The following LEKR1 variants were observed in gnomAD, a reference collection of about 807,000 sequenced individuals.
The protein encoded by LEKR1 is leucine, glutamate and lysine rich 1, also known as protein LEKR1.
In LEKR1, 59 loss-of-function variants were observed where a neutral mutation model predicts 72.4. The observed-to-expected ratio is 0.82, with a 90% CI of 0.66 to 1.01. The LOEUF is 1.01. Ranked by LOEUF, LEKR1 falls within the 50% of genes least tolerant of loss-of-function variation. LEKR1 has a pLI of 0.00. For missense variants in LEKR1, 728 were observed against 759.2 expected (o/e 0.96, Z 0.48); for synonymous variants, 257 against 263.2 (o/e 0.98, Z 0.23).
rs147676730 is a variant in LEKR1, at chr3:156,884,294, G to A, written c.263+31312G>A. ...TTCAACATTAGTATTGAGATGTGAA[G>A]CACTGTTCTATTCATCATGTTAGTT... On this transcript the variant is annotated intron_variant, in intron 3 of 12. Coordinates refer to ENST00000356539, the MANE Select transcript of LEKR1 (RefSeq NM_001004316.3). Among the ~76,000 whole-genome samples the A allele has an allele frequency of 8.3e-4, 126 of 151,894 alleles. 1 individual carries two copies. Among genetic ancestry groups the A allele is most frequent in the African/African-American group, 2.6e-3 (110 of 41,514 alleles).
intron 9 of LEKR1, among the ~76,000 whole-genome samples, chr3:157,006,675 A>G (rs1241409407): frequency 2.0e-5 from 3 of 152,246 alleles, no homozygotes; most frequent in Admixed American, 1.3e-4. Context: ...ACTCAGCAAT[A>G]AAATGAATGA....
In LEKR1 at chr3:156,993,249, G is replaced by A. The variant is rs1307412735; in HGVS notation, c.1081G>A (p.Glu361Lys). ...CAAAACTCTTCTGAATCAGACAAGGGAAGAGGTTTTAACACTGAAAAATGA... is the reference window on the plus strand; with the variant it reads ...CAAAACTCTTCTGAATCAGACAAGGAAAGAGGTTTTAACACTGAAAAATGA... ...ITKTLLNQTR[E>K]EVLTLKNERE... Residue 361 changes from glutamate to lysine, a missense_variant, in exon 9 of 13, where the codon GAA becomes AAA. By Grantham distance (56) the Glu-to-Lys change is moderately conservative (BLOSUM62 1). Transcript: ENST00000356539. 2 of 1,606,960 alleles carry A rather than the reference G, an allele frequency of 1.2e-6. No homozygotes were observed. The highest frequency in any genetic ancestry group is 1.3e-5 in the African/African-American group (1 of 74,316).
intron 12 of LEKR1, among the ~76,000 whole-genome samples, chr3:157,038,401 C>A: frequency 6.6e-6 from 1 of 152,070 alleles, no homozygotes; most frequent in East Asian, 1.9e-4. Context: ...CTGTTAGATA[C>A]CCAAGTGGAG....
intron 3 of LEKR1, 193 bp downstream of exon 3, chr3:156,853,175 ACTATCTG>A: frequency 6.2e-6 from 2 of 320,992 alleles, no homozygotes; most frequent in Non-Finnish European, 1.1e-5. Flanking sequence ...GCATATATTT[ACTATCTG>A]AAAAATTAGA....
intron 3 of LEKR1, among the ~76,000 whole-genome samples, chr3:156,871,106 CT>C (rs1717881277): frequency 1.3e-5 from 2 of 152,076 alleles, no homozygotes; most frequent in African/African-American, 4.8e-5. Context: ...TCTCTCCCCC[CT>C]CCCCCCAACC....
At chr3:157,010,908 G>T (rs538772440) in intron 9 of LEKR1, among the ~76,000 whole-genome samples, 1 of 151,976 alleles carries the variant, frequency 6.6e-6, no homozygotes, top group Admixed American at 6.6e-5. Context: ...ACTTAATTTG[G>T]TTTGTTCCTA....
rs556993380 is a variant in LEKR1 at position 156,844,534 on chromosome 3, C to G, written c.49-8234C>G. Among the ~76,000 whole-genome samples, 6 of 152,244 alleles carry G rather than the reference C, an allele frequency of 3.9e-5. No homozygotes were observed. In the South Asian group the frequency reaches 1.2e-3, roughly 32 times the overall value. ...TAACTTCCCCAATCTCTTCCCTACTCCCAGTCCATGGCCCTGGCAACCATT... is the reference window on the plus strand; with the variant it reads ...TAACTTCCCCAATCTCTTCCCTACTGCCAGTCCATGGCCCTGGCAACCATT... On this transcript the variant is annotated intron_variant, in intron 2 of 12. Transcript: ENST00000356539.
intron 10 of LEKR1, among the ~76,000 whole-genome samples, chr3:157,015,249 GGAGA>G (rs1443743824): frequency 6.6e-6 from 1 of 152,176 alleles, no homozygotes; most frequent in Non-Finnish European, 1.5e-5. Context: ...AGTGTTCACA[GGAGA>G]GAGTTGCACA....
chr3:156,857,751 G>T (rs1268978540), intron 3 of LEKR1, among the ~76,000 whole-genome samples: 1 of 152,174 alleles, frequency 6.6e-6, no homozygotes, highest in Non-Finnish European at 1.5e-5. Context: ...ATGTGAAATA[G>T]TTTATGAAGA....
At chr3:156,964,525 A>C (rs559265498) in intron 6 of LEKR1, among the ~76,000 whole-genome samples, 1 of 152,214 alleles carries the variant, frequency 6.6e-6, no homozygotes, top group East Asian at 1.9e-4. Flanking sequence ...CTTTTATATT[A>C]TGTAATTGTG....
chr3:156,934,301 G>A (rs931487947), intron 5 of LEKR1, among the ~76,000 whole-genome samples: 3 of 152,152 alleles, frequency 2.0e-5, no homozygotes, highest in African/African-American at 7.2e-5. Context: ...CATAGTAGGT[G>A]CTCAGTGAAC....
chr3:156,979,266 A>G lies in LEKR1; in HGVS notation c.818A>G (p.Glu273Gly). 3.9e-6 allele frequency: 5 copies of G among 1,278,884 alleles called. No homozygotes were observed. Among genetic ancestry groups the G allele is most frequent in the Non-Finnish European group, 5.1e-6 (5 of 977,930 alleles). The allele number at this position is 1,278,884 out of a possible 1,614,324, so 79.2% of individuals were successfully genotyped here. A position where few individuals can be genotyped will look rare whatever the true frequency, so the allele number is the denominator to read the frequency against. Residue 273 changes from glutamate to glycine, a missense_variant, in exon 7 of 13, where the codon GAA (glutamate) becomes GGA (glycine). By Grantham distance (98) the Glu-to-Gly change is moderately conservative. Transcript: ENST00000356539. ...KAVTEMDNYK[E>G]MLMNKSNEAD... ...GTGACAGAGATGGACAACTATAAAG[A>G]AATGCTTATGTAAGATGGAGAATAT...
chr3:156,933,632 A>G (rs1725446049), intron 5 of LEKR1, among the ~76,000 whole-genome samples: 1 of 152,170 alleles, frequency 6.6e-6, no homozygotes, highest in African/African-American at 2.4e-5. Context: ...ATTCAATCAT[A>G]CTAGAATTGG....
At chr3:157,012,530 G>A (rs1053601787) in intron 10 of LEKR1, among the ~76,000 whole-genome samples, 2 of 151,938 alleles carry the variant, frequency 1.3e-5, no homozygotes, top group Non-Finnish European at 2.9e-5. Context: ...AACCCTTTAG[G>A]TATTCTTGCT....
chr3:156,983,143 A>G (rs1212457080), intron 7 of LEKR1, among the ~76,000 whole-genome samples: 1 of 152,206 alleles, frequency 6.6e-6, no homozygotes, highest in Non-Finnish European at 1.5e-5. Flanking sequence ...AAGCCTTAAA[A>G]GAAAGACTGT....
chr3:156,967,388 A>T (rs1728726530), intron 6 of LEKR1, among the ~76,000 whole-genome samples: 1 of 152,280 alleles, frequency 6.6e-6, no homozygotes, highest in East Asian at 1.9e-4. Context: ...AAAAAATTAG[A>T]CGAATGGATA....
intron 2 of LEKR1, among the ~76,000 whole-genome samples, chr3:156,847,946 A>G (rs1714830957): frequency 1.3e-5 from 2 of 152,198 alleles, no homozygotes; most frequent in African/African-American, 4.8e-5. Flanking sequence ...AGCTTTCACA[A>G]TGTGAAGTTT....
intron 11 of LEKR1, among the ~76,000 whole-genome samples, chr3:157,027,657 A>T (rs1424226949): frequency 6.6e-6 from 1 of 152,088 alleles, no homozygotes; most frequent in Non-Finnish European, 1.5e-5. Context: ...CTCTACAAAA[A>T]ATAAAAAATT....
intron 10 of LEKR1, among the ~76,000 whole-genome samples, chr3:157,023,900 C>T (rs1000665338): frequency 6.6e-6 from 1 of 152,126 alleles, no homozygotes; most frequent in Admixed American, 6.5e-5. Flanking sequence ...TCCTGATAAA[C>T]CCATCATAAA....
Sources: allele counts gnomAD v4.1 joint callset (sites outside exome capture counted in the v4.1 genomes callset), GRCh38; gene constraint gnomAD v4.1.1; transcripts MANE v1.5; gene names NCBI Gene and HGNC (gene_info 2026-07-23, HGNC 2026-07-21).